Variants in VAMP7 observed in about 807,000 individuals in gnomAD.
VAMP7 encodes the protein vesicle-associated membrane protein 7.
A neutral mutation model predicts 29.6 loss-of-function variants in VAMP7; 14 were observed. That is an observed-to-expected ratio of 0.47 (90% CI 0.31 to 0.74). The LOEUF (loss-of-function observed/expected upper bound fraction) is 0.74, where lower values mean the gene tolerates loss of function less well. Ranked by LOEUF, VAMP7 falls within the 30% of genes least tolerant of loss-of-function variation. The pLI is 0.05. For missense variants in VAMP7, 223 were observed against 262.4 expected (o/e 0.85, Z 1.04); for synonymous variants, 95 against 88.1 (o/e 1.08, Z -0.44).
chrX:155,917,090 CTT>C (rs1050814175), intron 5 of VAMP7, among the ~76,000 whole-genome samples: 9 of 152,272 alleles, frequency 5.9e-5, no homozygotes, highest in Non-Finnish European at 1.3e-4. Flanking sequence ...TGTCTTCACA[CTT>C]TATTTCATTA....
At chrX:155,888,030 TG>T (rs199697270) in intron 1 of VAMP7, among the ~76,000 whole-genome samples, 3,689 of 152,026 alleles carry the variant, frequency 0.024, 138 homozygotes, top group African/African-American at 0.084. Flanking sequence ...GACAGCAATT[TG>T]GAAACTATAA....
chrX:155,937,603 T>C (rs1192371973), intron 6 of VAMP7, among the ~76,000 whole-genome samples: 1 of 152,188 alleles, frequency 6.6e-6, no homozygotes, highest in Non-Finnish European at 1.5e-5. Flanking sequence ...AACAAAAGCT[T>C]GGAGGTCTGA....
chrX:155,925,659 G>T (rs2066457103), intron 6 of VAMP7, among the ~76,000 whole-genome samples: 1 of 152,252 alleles, frequency 6.6e-6, no homozygotes, highest in Non-Finnish European at 1.5e-5. Flanking sequence ...AAGGCTCGAA[G>T]TGGGGAGGGG....
chrX:155,886,265 T>C (rs774329667), intron 1 of VAMP7, among the ~76,000 whole-genome samples: 2 of 152,280 alleles, frequency 1.3e-5, no homozygotes, highest in East Asian at 3.9e-4. Context: ...CCAATACTCA[T>C]CAAGACGTTA....
rs774572659 is a variant in VAMP7, at chrX:155,927,772, T to G, written c.501+7892T>G. ...TAGTTTTTCACAATGGCAGTTTTTT[T>G]TTTTTTTTAAAGTGAGTGCTTTAAA... On this transcript the variant is annotated intron_variant, in intron 6 of 7. Coordinates refer to ENST00000286448, the MANE Select transcript of VAMP7 (RefSeq NM_005638.6). Among the ~76,000 whole-genome samples the G allele has an allele frequency of 6.6e-3, 997 of 151,744 alleles. 4 individuals are homozygous for G. Among genetic ancestry groups the G allele is most frequent in the Middle Eastern group, 0.014 (4 of 294 alleles).
chrX:155,936,557 A>G (rs1462003210), intron 6 of VAMP7, among the ~76,000 whole-genome samples: 2 of 152,308 alleles, frequency 1.3e-5, no homozygotes, highest in Admixed American at 6.5e-5. Context: ...AAAGCGCAGT[A>G]TTAGGGTGGG....
At chrX:155,924,251 A>G (rs188150019) in intron 6 of VAMP7, among the ~76,000 whole-genome samples, 37 of 152,246 alleles carry the variant, frequency 2.4e-4, no homozygotes, top group Non-Finnish European at 4.9e-4. Context: ...ACTTCAGTGG[A>G]ATTTAGTATA....
chrX:155,934,576 T>G (rs1366372466), intron 6 of VAMP7, among the ~76,000 whole-genome samples: 3 of 152,172 alleles, frequency 2.0e-5, no homozygotes, highest in Non-Finnish European at 4.4e-5. Flanking sequence ...CATCCCTTTA[T>G]TTTGAGCCTA....
chrX:155,900,233 T>C (rs1602935926), intron 4 of VAMP7, among the ~76,000 whole-genome samples: 2 of 152,136 alleles, frequency 1.3e-5, no homozygotes, highest in Admixed American at 1.3e-4. Context: ...CATGTATATT[T>C]GATATAATGT....
At chrX:155,917,229 A>G (rs2066326176) in intron 5 of VAMP7, among the ~76,000 whole-genome samples, 1 of 152,108 alleles carries the variant, frequency 6.6e-6, no homozygotes, top group African/African-American at 2.4e-5. Context: ...GTTCTTCTCT[A>G]AACTGGCTAT....
At chrX:155,901,895 C>A (rs1321854406) in intron 5 of VAMP7, among the ~76,000 whole-genome samples, 1 of 152,034 alleles carries the variant, frequency 6.6e-6, no homozygotes, top group Non-Finnish European at 1.5e-5. Flanking sequence ...GTAGTTTCTT[C>A]CAATTCTGTG....
Position 155,898,152 on chromosome X carries a change from TAAA to T in VAMP7, c.246_248del (p.Ile82_Lys83delinsMet), listed in dbSNP as rs774559202. 1.2e-6 allele frequency: 2 copies of T among 1,613,586 alleles called. No homozygotes were observed. Among genetic ancestry groups the T allele is most frequent in the Non-Finnish European group, 1.7e-6 (2 of 1,179,626 alleles). On this transcript the variant is annotated inframe_deletion, in exon 4 of 8. Coordinates refer to ENST00000286448, the MANE Select transcript of VAMP7 (RefSeq NM_005638.6). ...CGAGCCTTTAATTTTCTGAATGAGA[TAAA>T]GAAGAGGTTCCAGACTACTTACGGT...
chrX:155,898,335 CAATA>C, intron 4 of VAMP7, 86 bp downstream of exon 4: 1 of 1,477,272 alleles, frequency 6.8e-7, no homozygotes, highest in Non-Finnish European at 9.1e-7. Flanking sequence ...CCCTGACCTG[CAATA>C]TAGTTTTCTG....
intron 4 of VAMP7, among the ~76,000 whole-genome samples, chrX:155,898,489 A>G (rs989716302): frequency 9.2e-5 from 14 of 152,084 alleles, no homozygotes; most frequent in Admixed American, 8.5e-4. Flanking sequence ...TTGGAAGAGC[A>G]TTAAAGATCA....
chrX:155,910,136 C>A (rs1369180449), intron 5 of VAMP7, among the ~76,000 whole-genome samples: 1 of 152,156 alleles, frequency 6.6e-6, no homozygotes, highest in African/African-American at 2.4e-5. Flanking sequence ...CCTCTGGTAT[C>A]TATTGTGCTA....
At chrX:155,933,324 A>T (rs1407588379) in intron 6 of VAMP7, among the ~76,000 whole-genome samples, 1 of 152,064 alleles carries the variant, frequency 6.6e-6, no homozygotes, top group Non-Finnish European at 1.5e-5. Context: ...CTGTGAATCC[A>T]TCTGGTCCTG....
At chrX:155,926,872 C>G (rs755016837) in intron 6 of VAMP7, among the ~76,000 whole-genome samples, 2 of 152,140 alleles carry the variant, frequency 1.3e-5, no homozygotes, top group South Asian at 4.2e-4. Flanking sequence ...AATATTGTGT[C>G]TCGGCAAATA....
intron 5 of VAMP7, among the ~76,000 whole-genome samples, chrX:155,903,577 T>C (rs1487546258): frequency 6.6e-6 from 1 of 152,036 alleles, no homozygotes; most frequent in Non-Finnish European, 1.5e-5. Context: ...AAAGAAGACA[T>C]TTATGCAGCC....
chrX:155,898,596 T>A (rs1207590978), intron 4 of VAMP7, among the ~76,000 whole-genome samples: 1 of 152,046 alleles, frequency 6.6e-6, no homozygotes, highest in Admixed American at 6.6e-5. Context: ...TGAGGGAAAT[T>A]TAATTTTCTA....
Sources: allele counts gnomAD v4.1 joint callset (sites outside exome capture counted in the v4.1 genomes callset), GRCh38; gene constraint gnomAD v4.1.1; transcripts MANE v1.5; gene names NCBI Gene and HGNC (gene_info 2026-07-23, HGNC 2026-07-21).